The following ARHGEF3 variants were observed in gnomAD, a reference collection of about 807,000 sequenced individuals.
ARHGEF3 encodes Rho guanine nucleotide exchange factor 3.
ARHGEF3 carries 28 observed loss-of-function variants against 63.2 expected under a neutral mutation model. The ratio of observed to expected loss-of-function variants is 0.44; its 90% CI spans 0.33 to 0.61. The LOEUF is 0.61. Ranked by LOEUF, ARHGEF3 falls within the 20% of genes least tolerant of loss-of-function variation. The pLI is 0.03. For synonymous variants in ARHGEF3, 266 were observed against 254.2 expected, an observed-to-expected ratio of 1.05 and a Z score of -0.44; for missense variants, 533 against 659.3, an observed-to-expected ratio of 0.81 and a Z score of 2.10.
chr3:57,034,175 T>C (rs1231576483), intron 2 of ARHGEF3, among the ~76,000 whole-genome samples: 2 of 151,510 alleles, frequency 1.3e-5, no homozygotes, highest in Non-Finnish European at 2.9e-5. Flanking sequence ...CAGGCTGGAG[T>C]GCAGTGGCTA....
intron 1 of ARHGEF3, among the ~76,000 whole-genome samples, chr3:57,043,179 G>A (rs544585271): frequency 7.7e-4 from 117 of 151,132 alleles, no homozygotes; most frequent in African/African-American, 2.8e-3. Context: ...GCAGTGGCGC[G>A]ATCTCAGCTC....
intron 2 of ARHGEF3, among the ~76,000 whole-genome samples, chr3:56,970,421 AT>A (rs557624342): frequency 9.0e-4 from 137 of 152,302 alleles, no homozygotes; most frequent in African/African-American, 3.0e-3. Flanking sequence ...GTGGCCTGGG[AT>A]TTGATGGAAG....
intron 2 of ARHGEF3, among the ~76,000 whole-genome samples, chr3:56,981,906 C>T (rs1301809990): frequency 1.3e-5 from 2 of 152,184 alleles, no homozygotes; most frequent in Non-Finnish European, 2.9e-5. Flanking sequence ...TGGGGGATGC[C>T]CTCTCCCCTT....
In ARHGEF3 at chr3:57,009,160, G is replaced by A. The variant is rs183296378; in HGVS notation, c.62+25928C>T. On this transcript the variant is annotated intron_variant, in intron 2 of 12. Transcript: ENST00000338458. The stretch of plus-strand genomic sequence containing the variant: ...GTTTGAGGCTCCCATTCTGAGGTCC[G>A]GCTCCTCCCCACCCCTGCCCTTTAA... 9.9e-4 allele frequency among the ~76,000 whole-genome samples: 151 copies of A among 152,290 alleles called. 1 individual carries two copies. Among genetic ancestry groups the A allele is most frequent in the Admixed American group, 2.0e-3 (30 of 15,298 alleles).
chr3:57,060,425 C>A (rs1673192022), intron 1 of ARHGEF3: 4 of 152,202 alleles, frequency 2.6e-5, no homozygotes, highest in African/African-American at 9.7e-5. Flanking sequence ...GCAGGAGAGC[C>A]CTTCCAAGAA....
chr3:57,060,326 GC>G (rs1401772932), intron 1 of ARHGEF3: 2 of 149,380 alleles, frequency 1.3e-5, no homozygotes, highest in African/African-American at 4.9e-5. Context: ...AAGGAACTTA[GC>G]CCAGGGCCCG....
chr3:56,936,089 G>A (rs928770431), intron 3 of ARHGEF3, among the ~76,000 whole-genome samples: 2 of 152,164 alleles, frequency 1.3e-5, no homozygotes, highest in African/African-American at 4.8e-5. Flanking sequence ...GTGCAAGAAA[G>A]AAAAACTGAT....
In ARHGEF3 at chr3:56,732,677, C is replaced by T. The variant is rs1011022971; in HGVS notation, c.1042-253G>A. ...AAGCCCTTCTGCCTACAGACACCTA[C>T]AGCCAGGGTTGCCAACTTTGGGGGC... On this transcript the variant is annotated intron_variant, in intron 8 of 9. Transcript: ENST00000296315. 3.3e-5 allele frequency among the ~76,000 whole-genome samples: 5 copies of T among 152,272 alleles called. 1 individual carries two copies. The highest frequency in any genetic ancestry group is 6.5e-5 in the Admixed American group (1 of 15,294).
Position 56,794,700 on chromosome 3 carries a change from G to A in ARHGEF3, c.96+7003C>T, listed in dbSNP as rs949305033. ...CATGATATAAAATGGCATACTGTTT[G>A]CCTATATCCTACACACATCCTCTTA... On this transcript the variant is annotated intron_variant, in intron 1 of 9. Coordinates refer to ENST00000296315, the MANE Select transcript of ARHGEF3 (RefSeq NM_019555.3). Among the ~76,000 whole-genome samples the A allele has an allele frequency of 2.6e-4, 39 of 152,112 alleles. 1 individual carries two copies. Among genetic ancestry groups the A allele is most frequent in the Middle Eastern group, 6.8e-3 (2 of 294 alleles).
At chr3:56,881,368 C>T (rs1042653171) in intron 4 of ARHGEF3, among the ~76,000 whole-genome samples, 7 of 152,136 alleles carry the variant, frequency 4.6e-5, no homozygotes, top group Non-Finnish European at 1.0e-4. Context: ...AGTGGTTAAA[C>T]CCCAGGGATG....
intron 1 of ARHGEF3, among the ~76,000 whole-genome samples, chr3:57,056,563 G>A (rs1248549854): frequency 6.6e-6 from 1 of 152,000 alleles, no homozygotes; most frequent in Non-Finnish European, 1.5e-5. Flanking sequence ...AAAGGGATTG[G>A]GACATAGCTG....
intron 3 of ARHGEF3, among the ~76,000 whole-genome samples, chr3:56,912,569 A>G (rs1454990200): frequency 1.3e-5 from 2 of 152,250 alleles, no homozygotes; most frequent in African/African-American, 4.8e-5. Context: ...GCAAAACAAG[A>G]ATAATGATAG....
At chr3:56,995,621 G>C (rs9311635) in intron 2 of ARHGEF3, among the ~76,000 whole-genome samples, 193 of 3,480 alleles carry the variant, frequency 0.055, 2 homozygotes, top group Middle Eastern at 0.25. Flanking sequence ...TAAATTTTCC[G>C]AGAGAGAGAG....
intron 4 of ARHGEF3, among the ~76,000 whole-genome samples, chr3:56,809,735 T>A: frequency 1.0e-5 from 1 of 98,768 alleles, no homozygotes; most frequent in South Asian, 2.7e-4. Flanking sequence ...TTTACTTTAC[T>A]TTTTTTTTTT....
At chr3:56,991,166 G>A (rs1228556313) in intron 2 of ARHGEF3, among the ~76,000 whole-genome samples, 4 of 151,992 alleles carry the variant, frequency 2.6e-5, no homozygotes, top group Non-Finnish European at 4.4e-5. Flanking sequence ...CTGGTCTTCC[G>A]ACCCCAGACT....
chr3:57,026,238 A>C (rs1190498865), intron 2 of ARHGEF3, among the ~76,000 whole-genome samples: 2 of 152,000 alleles, frequency 1.3e-5, no homozygotes, highest in African/African-American at 4.8e-5. Context: ...CATCTATACA[A>C]AAAAATTTTT....
rs562778785 is a variant in ARHGEF3, at chr3:56,748,128, A to G, written c.613-2666T>C. 2.0e-5 allele frequency among the ~76,000 whole-genome samples: 3 copies of G among 152,286 alleles called. No homozygotes were observed. The East Asian group carries it at 5.8e-4, about 29-fold the overall frequency. On this transcript the variant is annotated intron_variant, in intron 6 of 9. Transcript: ENST00000296315. ...TGGCTTACTGCAGCCTCTTCTTCCC[A>G]GGCTCAAACAATTCTCCCTCCTCAG...
chr3:56,789,020 ATGCTGCTGC>A (rs34620976), intron 1 of ARHGEF3, among the ~76,000 whole-genome samples: 4,420 of 149,200 alleles, frequency 0.03, 256 homozygotes, highest in East Asian at 0.23. Context: ...TTCAAGATAG[ATGCTGCTGC>A]TGCTGCTGCT....
chr3:57,017,364 AC>A (rs1703065971), intron 2 of ARHGEF3, among the ~76,000 whole-genome samples: 1 of 152,044 alleles, frequency 6.6e-6, no homozygotes, highest in South Asian at 2.1e-4. Context: ...AGGTTCCAAT[AC>A]CCAGGACATG....
Sources: allele counts gnomAD v4.1 joint callset (sites outside exome capture counted in the v4.1 genomes callset), GRCh38; gene constraint gnomAD v4.1.1; transcripts MANE v1.5; gene names NCBI Gene and HGNC (gene_info 2026-07-23, HGNC 2026-07-21).